ARHGAP20: variants seen among roughly 807,000 people sequenced by gnomAD.
ARHGAP20 encodes Rho GTPase activating protein 20.
A neutral mutation model predicts 73.7 loss-of-function variants in ARHGAP20; 34 were observed. The ratio of observed to expected loss-of-function variants is 0.46; its 90% confidence interval spans 0.35 to 0.61. The LOEUF (loss-of-function observed/expected upper bound fraction) is 0.61, where lower values mean the gene tolerates loss of function less well. Among genes scored for constraint, ARHGAP20 ranks in the 20% least tolerant of loss-of-function variants. ARHGAP20 has a pLI of 0.00. For synonymous variants in ARHGAP20, 523 were observed against 518.2 expected, an observed-to-expected ratio of 1.01 and a Z score of -0.13; for missense variants, 1,314 against 1,420.9, an observed-to-expected ratio of 0.92 and a Z score of 1.21.
In ARHGAP20 at chr11:110,578,498, G is replaced by C. The variant is rs866900; in HGVS notation, c.*872C>G. ...GCATTTGTGTAATTGAGAAAGGACA[G>C]TTGTTGTGGTCTTTTCCTCCATATT... is the stretch of plus-strand genomic sequence containing the variant. On this transcript the variant is annotated 3_prime_UTR_variant, in exon 15 of 15. Transcript: ENST00000683387. 90 of 985,430 alleles carry C rather than the reference G, an allele frequency of 9.1e-5. 3 individuals carry two copies. The East Asian group carries it at 1.0e-2, about 109-fold the overall frequency. The allele number at this position is 985,430 out of a possible 1,614,324, so 61.0% of individuals were successfully genotyped here.
At chr11:110,702,285 C>A (rs974609477) in intron 1 of ARHGAP20, among the ~76,000 whole-genome samples, 10 of 152,038 alleles carry the variant, frequency 6.6e-5, no homozygotes, top group Admixed American at 3.3e-4. Context: ...AGACAAAAAC[C>A]ACATGATTAT....
chr11:110,649,148 G>T, intron 2 of ARHGAP20, among the ~76,000 whole-genome samples: 1 of 144,542 alleles, frequency 6.9e-6, no homozygotes, highest in African/African-American at 2.5e-5. Flanking sequence ...CTTTTAAACA[G>T]TAAAGAGAAA....
chr11:110,660,090 A>C (rs1949574732), intron 2 of ARHGAP20, among the ~76,000 whole-genome samples: 1 of 149,488 alleles, frequency 6.7e-6, no homozygotes, highest in East Asian at 1.9e-4. Flanking sequence ...AAAATACCCT[A>C]GGTCAGTGGT....
intron 1 of ARHGAP20, among the ~76,000 whole-genome samples, chr11:110,708,756 T>C (rs145584007): frequency 3.0e-4 from 45 of 152,318 alleles, no homozygotes; most frequent in Non-Finnish European, 5.1e-4. Flanking sequence ...GAAAGGGACA[T>C]GAGGAAACTT....
chr11:110,611,176 T>C, intron 7 of ARHGAP20, 133 bp downstream of exon 7: 1 of 530,196 alleles, frequency 1.9e-6, no homozygotes, highest in Non-Finnish European at 3.3e-6. Context: ...TCTCATTTTC[T>C]ATATTTTGGG....
At chr11:110,586,413 G>C in intron 11 of ARHGAP20, 88 bp from the exon 12 acceptor site, 2 of 706,192 alleles carry the variant, frequency 2.8e-6, no homozygotes, top group Non-Finnish European at 4.5e-6. Flanking sequence ...TTGTTGAAAA[G>C]TTCCCTTACG....
At position 110,708,204 on chromosome 11, in the gene ARHGAP20, C is replaced by T. The variant is rs545951791; in HGVS notation, c.105+3923G>A. ...AAATGCAAATCAAAACCATTAGATA[C>T]CACTTTACATCCATTAAGATGACTG... is the stretch of plus-strand genomic sequence containing the variant. On this transcript the variant is annotated intron_variant, in intron 1 of 14. Coordinates refer to ENST00000683387, the MANE Select transcript of ARHGAP20 (RefSeq NM_001384657.1). 2.0e-5 allele frequency among the ~76,000 whole-genome samples: 3 copies of T among 152,112 alleles called. No individual in the cohort carries two copies. In the South Asian group the frequency reaches 6.2e-4, roughly 32 times the overall value.
chr11:110,711,629 C>T, intron 1 of ARHGAP20: 1 of 1,483,370 alleles, frequency 6.7e-7, no homozygotes, highest in Non-Finnish European at 8.9e-7. Flanking sequence ...GGGGGCCGAG[C>T]CCACCAGCGC....
At position 110,582,438 on chromosome 11, in the gene ARHGAP20, G is replaced by A. The variant is rs776765407; in HGVS notation, c.1606-3C>T. The stretch of plus-strand genomic sequence containing the variant: ...AGAAATTGTATAAGCAGGGAAACCT[G>A]TAAGAAAAAGGACAAACGAAGTATT... On this transcript the variant is annotated splice_region_variant and splice_polypyrimidine_tract_variant and intron_variant, in intron 13 of 14. Coordinates refer to ENST00000683387, the MANE Select transcript of ARHGAP20 (RefSeq NM_001384657.1). 27 of 1,558,428 alleles carry A rather than the reference G, an allele frequency of 1.7e-5. No individual in the cohort carries two copies. The highest frequency in any genetic ancestry group is 2.2e-5 in the Non-Finnish European group (25 of 1,131,056).
chr11:110,622,104 T>A (rs772256050), intron 4 of ARHGAP20, among the ~76,000 whole-genome samples: 8 of 152,170 alleles, frequency 5.3e-5, no homozygotes, highest in Non-Finnish European at 4.4e-5. Context: ...CTCCCCCTCA[T>A]CCCACAATAG....
At position 110,696,115 on chromosome 11, in the gene ARHGAP20, GC is replaced by G. The variant is rs560091972; in HGVS notation, c.106-5487del. On this transcript the variant is annotated intron_variant, in intron 1 of 14. Transcript: ENST00000683387. ...CATTTATATAAAGTGCCCAGAACAA[GC>G]AAATCTATAGAGACTTAAAGGTTTG... Among the ~76,000 whole-genome samples the G allele has an allele frequency of 1.2e-4, 18 of 151,680 alleles. No individual in the cohort carries two copies. The East Asian group carries it at 3.5e-3, about 29-fold the overall frequency.
chr11:110,612,905 C>T (rs1339071895), intron 6 of ARHGAP20, among the ~76,000 whole-genome samples: 1 of 152,134 alleles, frequency 6.6e-6, no homozygotes, highest in Non-Finnish European at 1.5e-5. Flanking sequence ...AGCACTCAAC[C>T]CAGTGTCTGT....
At chr11:110,675,653 A>G (rs1399441401) in intron 2 of ARHGAP20, among the ~76,000 whole-genome samples, 1 of 152,088 alleles carries the variant, frequency 6.6e-6, no homozygotes, top group East Asian at 1.9e-4. Flanking sequence ...GTGGTAGGTA[A>G]TACTTGCTTG....
At chr11:110,663,277 G>A (rs1483074345) in intron 2 of ARHGAP20, among the ~76,000 whole-genome samples, 1 of 150,654 alleles carries the variant, frequency 6.6e-6, no homozygotes, top group Non-Finnish European at 1.5e-5. Context: ...TCATAAAATT[G>A]TAAAAACTTT....
chr11:110,617,166 T>C (rs1472992874), intron 4 of ARHGAP20, among the ~76,000 whole-genome samples: 1 of 152,188 alleles, frequency 6.6e-6, no homozygotes, highest in African/African-American at 2.4e-5. Context: ...GTATATACTA[T>C]TTTGTGTCTG....
intron 2 of ARHGAP20, among the ~76,000 whole-genome samples, chr11:110,660,356 G>A (rs986672756): frequency 2.0e-5 from 3 of 152,148 alleles, no homozygotes; most frequent in Non-Finnish European, 2.9e-5. Context: ...CCAGTCACTG[G>A]CCTACAGAAA....
chr11:110,604,996 A>G lies in ARHGAP20; in HGVS notation c.964+1565T>C, dbSNP rs142101641. On this transcript the variant is annotated intron_variant, in intron 9 of 14. Coordinates refer to ENST00000683387, the MANE Select transcript of ARHGAP20 (RefSeq NM_001384657.1). ...GAAGTGCCCATTAAGGTTGGTCATT[A>G]ATGATACCAAGTAGTCTTGATGCTA... Among the ~76,000 whole-genome samples, 107 of 152,324 alleles carry G rather than the reference A, an allele frequency of 7.0e-4. No individual in the cohort carries two copies. In the South Asian group the frequency reaches 0.014, roughly 20 times the overall value.
rs186404775 is a variant in ARHGAP20, at chr11:110,580,529, T to C, written c.2417A>G (p.Tyr806Cys). The stretch of plus-strand genomic sequence containing the variant: ...ATGATCCTGTGAGGACATAGGACTA[T>C]AAGATGCCACAGAAATGGCCACTGG... ...SKPVAISVAS[Y>C]SPMSSQDHSK... Residue 806 changes from tyrosine (Y) to cysteine (C), a missense_variant, in exon 15 of 15, where the codon TAT (tyrosine) becomes TGT (cysteine). By Grantham distance (194) the Tyr-to-Cys change is radical. Around this residue, in one of 3 missense-constraint regions of ARHGAP20, gnomAD observed 641 missense variants for 636.9 expected, o/e 1.01. Transcript: ENST00000683387. The C allele has an allele frequency of 6.2e-7, 1 of 1,614,216 alleles. No individual in the cohort carries two copies. The highest frequency in any genetic ancestry group is 8.5e-7 in the Non-Finnish European group (1 of 1,180,034).
intron 2 of ARHGAP20, among the ~76,000 whole-genome samples, chr11:110,673,058 T>C (rs1388993336): frequency 2.0e-5 from 3 of 152,080 alleles, no homozygotes; most frequent in Non-Finnish European, 4.4e-5. Context: ...TTCTGATACA[T>C]ACAACATAGA....
Sources: allele counts gnomAD v4.1 joint callset (sites outside exome capture counted in the v4.1 genomes callset), GRCh38; gene constraint gnomAD v4.1.1; regional missense constraint gnomAD v4.1.1; transcripts MANE v1.5; gene names NCBI Gene and HGNC (gene_info 2026-07-23, HGNC 2026-07-21).